GALNT10: variants seen among roughly 807,000 people sequenced by gnomAD.
The protein encoded by GALNT10 is polypeptide N-acetylgalactosaminyltransferase 10.
In GALNT10, 41 loss-of-function variants were observed where a neutral mutation model predicts 75.0. That is an observed-to-expected ratio of 0.55 (90% confidence interval 0.43 to 0.71). The LOEUF is 0.71. GALNT10 is among the 30% of genes least tolerant of loss of function. GALNT10 has a pLI of 0.00. For missense variants in GALNT10, 727 were observed against 818.5 expected, an observed-to-expected ratio of 0.89 and a Z score of 1.36; for synonymous variants, 302 against 313.0, an observed-to-expected ratio of 0.96 and a Z score of 0.37.
intron 4 of GALNT10, among the ~76,000 whole-genome samples, chr5:154,370,835 G>C (rs2113166235): frequency 6.6e-6 from 1 of 152,296 alleles, no homozygotes; most frequent in South Asian, 2.1e-4. Flanking sequence ...AGACTACAGA[G>C]GGGCGAGCCC....
In GALNT10 at chr5:154,376,507, C is replaced by A; in HGVS notation, c.754+45C>A. ...TTGGAGGGAGGCAAACTGCAATGAGCCAGTGCCAGTGGCCCCCTCCTGCTG... is the reference window on the plus strand; with the variant it reads ...TTGGAGGGAGGCAAACTGCAATGAGACAGTGCCAGTGGCCCCCTCCTGCTG... On this transcript the variant is annotated intron_variant, in intron 5 of 11. Coordinates refer to ENST00000297107, the MANE Select transcript of GALNT10 (RefSeq NM_198321.4). The surrounding 1 kb of genome is among the most constrained non-coding windows in gnomAD (Gnocchi z 4.1). 7.2e-7 allele frequency: 1 copy of A among 1,396,256 alleles called. No individual in the cohort carries two copies. The highest frequency in any genetic ancestry group is 2.4e-5 in the East Asian group (1 of 42,552). 86.5% of individuals were successfully genotyped at this position (1,396,256 alleles called of 1,614,324 possible).
chr5:154,239,253 G>T (rs1178675964), intron 1 of GALNT10, among the ~76,000 whole-genome samples: 6 of 152,184 alleles, frequency 3.9e-5, no homozygotes, highest in African/African-American at 4.8e-5. Context: ...ACTGAAGGAG[G>T]TTCTCTCGCC....
At chr5:154,319,586 G>A (rs1001944768) in intron 3 of GALNT10, among the ~76,000 whole-genome samples, 1 of 152,190 alleles carries the variant, frequency 6.6e-6, no homozygotes, top group African/African-American at 2.4e-5. Flanking sequence ...GAGAGAGAGG[G>A]AAAAGTGCTC....
At chr5:154,338,305 T>G (rs1754975201) in intron 4 of GALNT10, 1 of 594,114 alleles carries the variant, frequency 1.7e-6, no homozygotes, top group Non-Finnish European at 3.1e-6. Flanking sequence ...CCACACAATC[T>G]CTGACCATTC....
chr5:154,329,522 C>A (rs762653473), intron 3 of GALNT10, 50 bp from the exon 4 acceptor site: 5 of 1,487,232 alleles, frequency 3.4e-6, no homozygotes, highest in Non-Finnish European at 4.7e-6. Context: ...GTTCTCTTGG[C>A]AGGAGGAGAG....
intron 1 of GALNT10, among the ~76,000 whole-genome samples, chr5:154,223,811 T>C (rs2113657485): frequency 6.6e-6 from 1 of 151,932 alleles, no homozygotes; most frequent in East Asian, 1.9e-4. Context: ...TCCCAGCTAC[T>C]CAGGAGGCTG....
chr5:154,313,936 T>A (rs1754561478), intron 3 of GALNT10, among the ~76,000 whole-genome samples: 1 of 152,192 alleles, frequency 6.6e-6, no homozygotes. Context: ...TTCCACTTAG[T>A]CAGTTTCTTG....
intron 1 of GALNT10, among the ~76,000 whole-genome samples, chr5:154,275,344 CT>C (rs1264220472): frequency 6.6e-6 from 1 of 152,186 alleles, no homozygotes; most frequent in Non-Finnish European, 1.5e-5. Flanking sequence ...TGTTCAGAAA[CT>C]TTTGTTGTAG....
intron 3 of GALNT10, among the ~76,000 whole-genome samples, chr5:154,311,401 A>G (rs1005371014): frequency 2.0e-5 from 3 of 152,162 alleles, no homozygotes; most frequent in Non-Finnish European, 4.4e-5. Context: ...GCCTCTCTGC[A>G]ATTGTGTCAA....
rs144196717 is a variant in GALNT10 at position 154,287,959 on chromosome 5, T to TGG, written c.160-6856_160-6855insGG. ...GCATGTGTGTGCATGTGTGTGTGTGTGAGAGAGAGAGAGAGAGAAGTTTAT... is the reference window on the plus strand; with the variant it reads ...GCATGTGTGTGCATGTGTGTGTGTGTGGGAGAGAGAGAGAGAGAGAAGTTTAT... On this transcript the variant is annotated intron_variant, in intron 1 of 11. Coordinates refer to ENST00000297107, the MANE Select transcript of GALNT10 (RefSeq NM_198321.4). Among the ~76,000 whole-genome samples, 1,366 of 149,940 alleles carry TGG rather than the reference T, an allele frequency of 9.1e-3. 22 individuals are homozygous for TGG. Among genetic ancestry groups the TGG allele is most frequent in the African/African-American group, 0.032 (1,290 of 40,712 alleles).
chr5:154,199,182 C>CACAA (rs750343998), intron 1 of GALNT10, among the ~76,000 whole-genome samples: 2 of 152,112 alleles, frequency 1.3e-5, no homozygotes, highest in Non-Finnish European at 2.9e-5. Context: ...TTCACAATCC[C>CACAA]TAGGGAGCCT....
rs1756406799 is a variant in GALNT10, at chr5:154,412,007, AGAG to A, written c.1387-878_1387-876del. On this transcript the variant is annotated intron_variant, in intron 9 of 11. Coordinates refer to ENST00000297107, the MANE Select transcript of GALNT10 (RefSeq NM_198321.4). The surrounding 1 kb of genome is among the most constrained non-coding windows in gnomAD (Gnocchi z 4.2). ...GAGTCCCCAAGCCAAATCACCAGCC[AGAG>A]GAGTTCAACATCTCGCAAGAGTGGG... Among the ~76,000 whole-genome samples the A allele has an allele frequency of 6.6e-6, 1 of 152,210 alleles. No individual in the cohort carries two copies. The highest frequency in any genetic ancestry group is 6.5e-5 in the Admixed American group (1 of 15,282).
At chr5:154,200,885 G>GT (rs1396844285) in intron 1 of GALNT10, among the ~76,000 whole-genome samples, 1 of 152,066 alleles carries the variant, frequency 6.6e-6, no homozygotes, top group Non-Finnish European at 1.5e-5. Context: ...AGATAGTTGG[G>GT]TTTTTTAATT....
At chr5:154,195,828 A>G (rs1774929335) in intron 1 of GALNT10, among the ~76,000 whole-genome samples, 1 of 152,218 alleles carries the variant, frequency 6.6e-6, no homozygotes, top group Non-Finnish European at 1.5e-5. Context: ...GCCACTGCTT[A>G]ATGAGACCAA....
intron 4 of GALNT10, among the ~76,000 whole-genome samples, chr5:154,375,266 C>T (rs1755636847): frequency 6.6e-6 from 1 of 152,186 alleles, no homozygotes. Flanking sequence ...TACAGCTTTT[C>T]TCCTGATCAG....
chr5:154,365,228 T>C (rs1755456541), intron 4 of GALNT10, among the ~76,000 whole-genome samples: 1 of 152,192 alleles, frequency 6.6e-6, no homozygotes, highest in Non-Finnish European at 1.5e-5. Flanking sequence ...GAATAATTCA[T>C]TCTTAAAATC....
At position 154,329,601 on chromosome 5, in the gene GALNT10, T is replaced by C; in HGVS notation, c.431T>C (p.Leu144Pro). 1 of 1,613,964 alleles carries C rather than the reference T, an allele frequency of 6.2e-7. No homozygotes were observed. Among genetic ancestry groups the C allele is most frequent in the Middle Eastern group, 1.6e-4 (1 of 6,062 alleles). ...AACAGCAAGCGCTACCTGGAGACAC[T>C]TCCCAACACAAGCATCATCATCCCC... Reference protein sequence around the residue: ...NCNSKRYLETLPNTSIIIPFH... With the variant: ...NCNSKRYLETPPNTSIIIPFH... The change falls in exon 4 of 12, where the codon CTT becomes CCT. Residue 144 changes from leucine to proline, a missense_variant. By Grantham distance (98) the Leu-to-Pro change is moderately conservative. Coordinates refer to ENST00000297107, the MANE Select transcript of GALNT10 (RefSeq NM_198321.4).
chr5:154,243,337 A>G lies in GALNT10; in HGVS notation c.160-51479A>G, dbSNP rs550973767. Among the ~76,000 whole-genome samples, 5 of 152,366 alleles carry G rather than the reference A, an allele frequency of 3.3e-5. No homozygotes were observed. In the South Asian group the frequency reaches 6.2e-4, roughly 19 times the overall value. ...CCATAACAGACAGAAGAGAAATGCA[A>G]TATTTGTTGAACAAATTATTTGACT... is the stretch of plus-strand genomic sequence containing the variant. On this transcript the variant is annotated intron_variant, in intron 1 of 11. Coordinates refer to ENST00000297107, the MANE Select transcript of GALNT10 (RefSeq NM_198321.4).
Position 154,416,471 on chromosome 5 carries a change from G to T in GALNT10, c.1654-343G>T, listed in dbSNP as rs1458755671. Among the ~76,000 whole-genome samples the T allele has an allele frequency of 2.7e-5, 2 of 74,242 alleles. No individual in the cohort carries two copies. Among genetic ancestry groups the T allele is most frequent in the Admixed American group, 1.5e-4 (1 of 6,776 alleles). The allele number at this position is 74,242 out of a possible 152,430, so 48.7% of individuals were successfully genotyped here. A position where few individuals can be genotyped will look rare whatever the true frequency, so the allele number is the denominator to read the frequency against. ...AAATTAAAAAAATAAAAGATAAAAG[G>T]AAAGCACATACACACACACACACAC... is the stretch of plus-strand genomic sequence containing the variant. On this transcript the variant is annotated intron_variant, in intron 11 of 11. Transcript: ENST00000297107. The surrounding 1 kb of genome is among the most constrained non-coding windows in gnomAD (Gnocchi z 4.5).
Sources: allele counts gnomAD v4.1 joint callset (sites outside exome capture counted in the v4.1 genomes callset), GRCh38; gene constraint gnomAD v4.1.1; non-coding constraint Gnocchi (gnomAD v3.1); transcripts MANE v1.5; gene names NCBI Gene and HGNC (gene_info 2026-07-23, HGNC 2026-07-21).